The following PDCD6 variants were observed in gnomAD, a reference collection of about 807,000 sequenced individuals.
PDCD6 encodes the protein programmed cell death protein 6.
PDCD6 carries 12 observed loss-of-function variants against 28.3 expected under a neutral mutation model. That is an observed-to-expected ratio of 0.42 (90% CI 0.27 to 0.69). The LOEUF is 0.69. Ranked by LOEUF, PDCD6 falls within the 30% of genes least tolerant of loss-of-function variation. The probability of loss-of-function intolerance (pLI) is 0.22; values close to 1 mark genes in which losing one functional copy is unlikely to be tolerated. For missense variants in PDCD6, 226 were observed against 269.9 expected (o/e 0.84, Z 1.14); for synonymous variants, 92 against 108.0 (o/e 0.85, Z 0.92).
intron 5 of PDCD6, among the ~76,000 whole-genome samples, chr5:314,056 A>T (rs991652240): frequency 2.6e-5 from 4 of 152,010 alleles, no homozygotes; most frequent in Non-Finnish European, 4.4e-5. Context: ...GGTGGCCCCC[A>T]CAGCAGAGGC....
At chr5:288,504 CA>C (rs1204082219) in intron 2 of PDCD6, among the ~76,000 whole-genome samples, 1 of 150,930 alleles carries the variant, frequency 6.6e-6, no homozygotes, top group Admixed American at 6.6e-5. Context: ...GTGATAATCT[CA>C]AAAAACTTTT....
At chr5:309,676 G>A (rs1740775352) in intron 4 of PDCD6, 1 of 80,346 alleles carries the variant, frequency 1.2e-5, no homozygotes, top group Non-Finnish European at 2.3e-5. Context: ...AGTGAGGGCC[G>A]CCGTCCCCGT....
intron 2 of PDCD6, among the ~76,000 whole-genome samples, chr5:279,291 C>T (rs1410886051): frequency 6.6e-6 from 1 of 152,094 alleles, no homozygotes; most frequent in Non-Finnish European, 1.5e-5. Flanking sequence ...GGGTGACTTG[C>T]TTCTGCCAAC....
intron 2 of PDCD6, chr5:276,647 G>A: frequency 1.0e-6 from 1 of 978,630 alleles, no homozygotes; most frequent in Non-Finnish European, 1.2e-6. Flanking sequence ...TGTTTTGATA[G>A]TAGAACTAAA....
intron 2 of PDCD6, among the ~76,000 whole-genome samples, chr5:301,441 T>C (rs549501138): frequency 4.5e-4 from 68 of 152,378 alleles, no homozygotes; most frequent in African/African-American, 1.6e-3. Flanking sequence ...CTTTGCTTTT[T>C]GTAACACTAG....
intron 2 of PDCD6, among the ~76,000 whole-genome samples, chr5:282,419 C>A: frequency 6.8e-6 from 1 of 147,754 alleles, no homozygotes; most frequent in Non-Finnish European, 1.5e-5. Flanking sequence ...AGCTGCAAAC[C>A]CGGAGAGAAG....
At chr5:296,609 A>G (rs569027950) in intron 2 of PDCD6, among the ~76,000 whole-genome samples, 1 of 152,352 alleles carries the variant, frequency 6.6e-6, no homozygotes, top group South Asian at 2.1e-4. Flanking sequence ...CACGCTGCTA[A>G]TTAATTGATT....
At chr5:292,005 A>G (rs1179567092) in intron 2 of PDCD6, among the ~76,000 whole-genome samples, 6 of 152,214 alleles carry the variant, frequency 3.9e-5, no homozygotes, top group South Asian at 4.1e-4. Flanking sequence ...AATAGACTTC[A>G]CAACCGTTCT....
intron 2 of PDCD6, among the ~76,000 whole-genome samples, chr5:296,625 C>G (rs1252750744): frequency 6.6e-6 from 1 of 152,150 alleles, no homozygotes; most frequent in Non-Finnish European, 1.5e-5. Flanking sequence ...TGATTTATGT[C>G]GAGCTCAAAG....
At chr5:280,145 C>T (rs1738475386) in intron 2 of PDCD6, among the ~76,000 whole-genome samples, 1 of 151,762 alleles carries the variant, frequency 6.6e-6, no homozygotes, top group African/African-American at 2.4e-5. Flanking sequence ...TGTTCATCCA[C>T]CTGAGGGGCG....
At chr5:286,465 T>C (rs1284362387) in intron 2 of PDCD6, among the ~76,000 whole-genome samples, 1 of 150,088 alleles carries the variant, frequency 6.7e-6, no homozygotes, top group Admixed American at 6.6e-5. Context: ...GCTGGAGACC[T>C]GGGGAGGAGC....
chr5:306,629 G>T lies in PDCD6; in HGVS notation c.236G>T (p.Gly79Val). ...ISMFDRENKA[G>V]VNFSEFTGVW... ...ATGTTTGACCGTGAGAACAAGGCCGGCGTGAACTTCAGCGAGTTCACGGGT... is the reference window on the plus strand; with the variant it reads ...ATGTTTGACCGTGAGAACAAGGCCGTCGTGAACTTCAGCGAGTTCACGGGT... The change falls in exon 4 of 6, where the codon GGC becomes GTC. Residue 79 changes from glycine to valine, a missense_variant. Around this residue, in one of 3 missense-constraint regions of PDCD6, gnomAD observed 151 missense variants for 177.2 expected, o/e 0.85. Coordinates refer to ENST00000264933, the MANE Select transcript of PDCD6 (RefSeq NM_013232.4). 1 of 1,613,880 alleles carries T rather than the reference G, an allele frequency of 6.2e-7. No individual in the cohort carries two copies. The highest frequency in any genetic ancestry group is 8.5e-7 in the Non-Finnish European group (1 of 1,179,914).
At chr5:303,352 G>C (rs1306426829) in intron 2 of PDCD6, among the ~76,000 whole-genome samples, 1 of 151,418 alleles carries the variant, frequency 6.6e-6, no homozygotes. Context: ...GAGAGCCACT[G>C]GTCTCTCCTG....
intron 2 of PDCD6, among the ~76,000 whole-genome samples, chr5:303,861 T>C (rs1740294113): frequency 6.7e-6 from 1 of 148,880 alleles, no homozygotes. Flanking sequence ...AAAAATTCTG[T>C]GTGTAAAATG....
intron 2 of PDCD6, among the ~76,000 whole-genome samples, chr5:278,337 A>G (rs973367264): frequency 6.6e-6 from 1 of 152,102 alleles, no homozygotes; most frequent in Non-Finnish European, 1.5e-5. Context: ...ACCTGCCCAC[A>G]TTAAGCTCCT....
At position 286,638 on chromosome 5, in the gene PDCD6, A is replaced by T. The variant is rs1441623567; in HGVS notation, c.163+13866A>T. Among the ~76,000 whole-genome samples, 5 of 143,166 alleles carry T rather than the reference A, an allele frequency of 3.5e-5. No homozygotes were observed. The East Asian group carries it at 1.1e-3, about 31-fold the overall frequency. The allele number at this position is 143,166 out of a possible 152,430, so 93.9% of individuals were successfully genotyped here. A position where few individuals can be genotyped will look rare whatever the true frequency, so the allele number is the denominator to read the frequency against. ...GATCTGATGTTCCAGTTTCAGGGCCATGCATCTTGAGACTCGGGGAGGTAC... is the reference window on the plus strand; with the variant it reads ...GATCTGATGTTCCAGTTTCAGGGCCTTGCATCTTGAGACTCGGGGAGGTAC... On this transcript the variant is annotated intron_variant, in intron 2 of 5. Coordinates refer to ENST00000264933, the MANE Select transcript of PDCD6 (RefSeq NM_013232.4).
chr5:308,923 G>C (rs1740712074), intron 4 of PDCD6: 1 of 153,758 alleles, frequency 6.5e-6, no homozygotes, highest in Non-Finnish European at 1.4e-5. Context: ...TCACATTCCA[G>C]CACTCACCAC....
At chr5:302,070 CTGTGTGTGTGTGTGTGTG>C (rs369323059) in intron 2 of PDCD6, among the ~76,000 whole-genome samples, 1 of 57,690 alleles carries the variant, frequency 1.7e-5, no homozygotes, top group Non-Finnish European at 3.4e-5. Context: ...GAGTGCTGCT[CTGTGTGTGTGTGTGTGTG>C]TGTGTGTGTG....
At chr5:313,386 C>A (rs1410749845) in intron 5 of PDCD6, among the ~76,000 whole-genome samples, 1 of 152,166 alleles carries the variant, frequency 6.6e-6, no homozygotes. Context: ...TTATCCATTG[C>A]GGTGCTTTTG....
Sources: allele counts gnomAD v4.1 joint callset (sites outside exome capture counted in the v4.1 genomes callset), GRCh38; gene constraint gnomAD v4.1.1; regional missense constraint gnomAD v4.1.1; transcripts MANE v1.5; gene names NCBI Gene and HGNC (gene_info 2026-07-23, HGNC 2026-07-21).